The following RAD52 variants were observed in gnomAD, a reference collection of about 807,000 sequenced individuals.
RAD52 encodes the protein RAD52 DNA repair protein.
In RAD52, 47 loss-of-function variants were observed where a neutral mutation model predicts 55.5. The ratio of observed to expected loss-of-function variants is 0.85; its 90% CI spans 0.67 to 1.08. The LOEUF is 1.08. Among genes scored for constraint, RAD52 ranks in the 50% least tolerant of loss-of-function variants. The probability of loss-of-function intolerance (pLI) is 0.00; values close to 1 mark genes in which losing one functional copy is unlikely to be tolerated. For missense variants in RAD52, 468 were observed against 522.8 expected (o/e 0.90, Z 1.02); for synonymous variants, 184 against 198.9 (o/e 0.92, Z 0.63).
At chr12:967,381 C>CAAA (rs71055113) in intron 1 of RAD52, among the ~76,000 whole-genome samples, 5 of 138,192 alleles carry the variant, frequency 3.6e-5, no homozygotes, top group Admixed American at 7.3e-5. Flanking sequence ...GACCTTGTCT[C>CAAA]AAAAAAAAAA....
At position 933,093 on chromosome 12, in the gene RAD52, C is replaced by T. The variant is rs776981927; in HGVS notation, c.-18-17G>A. On this transcript the variant is annotated splice_polypyrimidine_tract_variant and intron_variant, in intron 1 of 11. Coordinates refer to ENST00000358495, the MANE Select transcript of RAD52 (RefSeq NM_134424.4). ...GGTTGACCTCTATATAAATAAAAAGCGGAAAAAAAAAACAACCCTCAAAGA... is the reference window on the plus strand; with the variant it reads ...GGTTGACCTCTATATAAATAAAAAGTGGAAAAAAAAAACAACCCTCAAAGA... 3.4e-5 allele frequency: 51 copies of T among 1,511,124 alleles called. No individual in the cohort carries two copies. The highest frequency in any genetic ancestry group is 1.2e-4 in the Admixed American group (6 of 50,938). The allele number at this position is 1,511,124 out of a possible 1,614,324, so 93.6% of individuals were successfully genotyped here. A position where few individuals can be genotyped will look rare whatever the true frequency, so the allele number is the denominator to read the frequency against.
At chr12:935,812 C>T (rs1227150739) in intron 1 of RAD52, among the ~76,000 whole-genome samples, 11 of 151,482 alleles carry the variant, frequency 7.3e-5, no homozygotes, top group Non-Finnish European at 1.6e-4. Context: ...GAGATTGCGC[C>T]ATTGCACTCC....
intron 1 of RAD52, among the ~76,000 whole-genome samples, chr12:964,068 A>G (rs975102923): frequency 1.3e-5 from 2 of 152,132 alleles, no homozygotes; most frequent in African/African-American, 4.8e-5. Context: ...GCTTGAGTCA[A>G]AGGCACCAGG....
chr12:966,603 C>G (rs938001014), intron 1 of RAD52, among the ~76,000 whole-genome samples: 25 of 151,874 alleles, frequency 1.6e-4, no homozygotes, highest in African/African-American at 4.8e-4. Flanking sequence ...TCCTGACTTA[C>G]AGTCAGTGCA....
intron 1 of RAD52, among the ~76,000 whole-genome samples, chr12:936,588 G>A (rs919320535): frequency 2.0e-4 from 30 of 151,946 alleles, no homozygotes; most frequent in African/African-American, 7.0e-4. Flanking sequence ...GACCTCCAGG[G>A]CTCAGGTGAT....
intron 1 of RAD52, among the ~76,000 whole-genome samples, chr12:956,011 T>C (rs1958601057): frequency 1.3e-5 from 2 of 152,180 alleles, no homozygotes; most frequent in African/African-American, 4.8e-5. Flanking sequence ...TGTACTCTTC[T>C]GTAGAGCTTA....
Position 914,029 on chromosome 12 carries a change from T to TC in RAD52, c.1059dup (p.Thr354AspfsTer3). The TC allele has an allele frequency of 1.2e-6, 2 of 1,614,174 alleles. No individual in the cohort carries two copies. Among genetic ancestry groups the TC allele is most frequent in the Non-Finnish European group, 1.7e-6 (2 of 1,180,036 alleles). ...TTGTTCAAGGCTAATGTGTCAGAGG[T>TC]CTGGGCTGGGTCTGCTCTAGACGAG... On this transcript the variant is annotated frameshift_variant, in exon 11 of 12. Transcript: ENST00000358495. LOFTEE classifies it high-confidence loss of function.
rs557526495 is a variant in RAD52, at chr12:947,414, G to A, written c.-19+2188C>T. ...TGTAATCCCAGCACTTTGGGAGGCC[G>A]AGGCGGGTGGATCACCTGAGGTCAG... On this transcript the variant is annotated intron_variant, in intron 1 of 11. Coordinates refer to ENST00000358495, the MANE Select transcript of RAD52 (RefSeq NM_134424.4). Among the ~76,000 whole-genome samples the A allele has an allele frequency of 8.1e-4, 122 of 151,192 alleles. 2 individuals carry two copies. Among genetic ancestry groups the A allele is most frequent in the Middle Eastern group, 6.8e-3 (2 of 292 alleles).
chr12:968,939 A>G (rs540048901), intron 1 of RAD52, among the ~76,000 whole-genome samples: 13 of 152,228 alleles, frequency 8.5e-5, no homozygotes, highest in East Asian at 5.8e-4. Flanking sequence ...AGCTCTCCGT[A>G]TCCGTGGTTT....
intron 1 of RAD52, among the ~76,000 whole-genome samples, chr12:940,678 A>T (rs1348535225): frequency 1.3e-5 from 2 of 152,144 alleles, no homozygotes; most frequent in Non-Finnish European, 2.9e-5. Flanking sequence ...TGTGAAAGAC[A>T]CAAAGAAAAT....
chr12:986,881 T>C (rs558201746), intron 1 of RAD52, among the ~76,000 whole-genome samples: 11 of 152,252 alleles, frequency 7.2e-5, no homozygotes, highest in Non-Finnish European at 1.3e-4. Flanking sequence ...ACTGTTTTCC[T>C]GAATTGGATC....
intron 11 of RAD52, 135 bp from the exon 12 acceptor site, chr12:913,587 A>G: frequency 3.7e-6 from 3 of 805,470 alleles, no homozygotes; most frequent in South Asian, 1.7e-5. Context: ...GGAGGAAGGC[A>G]GATGATTCTC....
chr12:986,715 T>C (rs1389885083), intron 1 of RAD52, among the ~76,000 whole-genome samples: 1 of 151,868 alleles, frequency 6.6e-6, no homozygotes, highest in Non-Finnish European at 1.5e-5. Flanking sequence ...GGTGTAAAAG[T>C]TGAAACCCCT....
In RAD52 at chr12:930,321, G is replaced by A. The variant is rs562019185; in HGVS notation, c.187-177C>T. Reference sequence around the variant, plus strand: ...TTGAGCCCAGGAGCTCAAGGCTGCAGTAAGCTAGGATCGTGCCACTGCACT... The same window carrying A: ...TTGAGCCCAGGAGCTCAAGGCTGCAATAAGCTAGGATCGTGCCACTGCACT... On this transcript the variant is annotated intron_variant, in intron 3 of 11. Coordinates refer to ENST00000358495, the MANE Select transcript of RAD52 (RefSeq NM_134424.4). Among the ~76,000 whole-genome samples, 310 of 151,224 alleles carry A rather than the reference G, an allele frequency of 2.0e-3. 1 individual carries two copies. The highest frequency in any genetic ancestry group is 3.2e-3 in the Non-Finnish European group (216 of 67,706).
rs1392562368 is a variant in RAD52, at chr12:912,878, G to A, written c.*513C>T. On this transcript the variant is annotated 3_prime_UTR_variant, in exon 12 of 12. Coordinates refer to ENST00000358495, the MANE Select transcript of RAD52 (RefSeq NM_134424.4). The stretch of plus-strand genomic sequence containing the variant: ...TTATATTAAATGAAGATTGTAGCCT[G>A]GATTGATACAAAGTAGTGAAAAGCA... 3.0e-5 allele frequency: 6 copies of A among 197,702 alleles called. No homozygotes were observed. The highest frequency in any genetic ancestry group is 6.3e-5 in the Non-Finnish European group (6 of 95,624). The allele number at this position is 197,702 out of a possible 1,614,324, so 12.2% of individuals were successfully genotyped here. A position where few individuals can be genotyped will look rare whatever the true frequency, so the allele number is the denominator to read the frequency against.
chr12:932,991 A>G lies in RAD52; in HGVS notation c.68T>C (p.Val23Ala), dbSNP rs573955769. The G allele has an allele frequency of 6.2e-7, 1 of 1,613,998 alleles. No homozygotes were observed. Among genetic ancestry groups the G allele is most frequent in the Non-Finnish European group, 8.5e-7 (1 of 1,179,996 alleles). The change falls in exon 2 of 12, where the codon GTG (valine) becomes GCG (alanine). Residue 23 changes from valine (V) to alanine (A), a missense_variant. Physicochemically the swap from Val to Ala is moderately conservative, Grantham distance 64. Coordinates refer to ENST00000358495, the MANE Select transcript of RAD52 (RefSeq NM_134424.4). ...DSHPAAGGGS[V>A]LCFGQCQYTA... The stretch of plus-strand genomic sequence containing the variant: ...CACAGTTACCTGTCCAAAGCATAAC[A>G]CTGAGCCGCCGCCAGCAGCAGGATG...
intron 5 of RAD52, chr12:929,584 T>G (rs974550684): frequency 1.4e-6 from 1 of 723,754 alleles, no homozygotes. Flanking sequence ...GCAACAATTT[T>G]TATATATGGT....
At position 914,115 on chromosome 12, in the gene RAD52, A is replaced by G. The variant is rs1480430279; in HGVS notation, c.974T>C (p.Leu325Pro). Reference protein sequence around the residue: ...AGVTQELIKTLEDNSEKWAVT... With the variant: ...AGVTQELIKTPEDNSEKWAVT... ...AGCCCACTTTTCAGAGTTGTCTTCA[A>G]GAGTCTCTACAGAGGTCAAGGAAAA... Residue 325 changes from leucine (L) to proline (P), a missense_variant, in exon 11 of 12, where the codon CTT becomes CCT. By Grantham distance (98) the Leu-to-Pro change is moderately conservative (BLOSUM62 -3). Transcript: ENST00000358495. The G allele has an allele frequency of 1.2e-6, 2 of 1,613,770 alleles. No homozygotes were observed. Among genetic ancestry groups the G allele is most frequent in the Non-Finnish European group, 1.7e-6 (2 of 1,179,730 alleles).
intron 1 of RAD52, chr12:974,811 G>T (rs375534091): frequency 6.6e-6 from 1 of 151,966 alleles, no homozygotes; most frequent in Admixed American, 6.6e-5. Context: ...TATTATCTCC[G>T]CATTAGATAA....
Sources: allele counts gnomAD v4.1 joint callset (sites outside exome capture counted in the v4.1 genomes callset), GRCh38; gene constraint gnomAD v4.1.1; transcripts MANE v1.5; gene names NCBI Gene and HGNC (gene_info 2026-07-23, HGNC 2026-07-21).